The following CCDC171 variants were observed in gnomAD, a reference collection of about 807,000 sequenced individuals.
CCDC171 encodes coiled-coil domain containing 171, also known as coiled-coil domain-containing protein 171.
A neutral mutation model predicts 168.2 loss-of-function variants in CCDC171; 177 were observed. The ratio of observed to expected loss-of-function variants is 1.05; its 90% confidence interval spans 0.93 to 1.19. The LOEUF is 1.19. CCDC171 is among the 50% of genes most tolerant of loss of function. The probability of loss-of-function intolerance (pLI) is 0.00; values close to 1 mark genes in which losing one functional copy is unlikely to be tolerated. For missense variants in CCDC171, 1,991 were observed against 1,539.0 expected (o/e 1.29, Z -4.91); for synonymous variants, 687 against 540.8 (o/e 1.27, Z -3.75).
Position 15,727,860 on chromosome 9 carries a change from T to TTTTTTTTTTA in CCDC171, c.1693-8_1693-7insTTTTTTTTAT. 1 of 1,596,524 alleles carries TTTTTTTTTTA rather than the reference T, an allele frequency of 6.3e-7. No homozygotes were observed. The highest frequency in any genetic ancestry group is 1.8e-5 in the Admixed American group (1 of 56,218). The stretch of plus-strand genomic sequence containing the variant: ...ACAGCAATTAATTTTTCTTTTTTTT[T>TTTTTTTTTTA]TCCTGCAGGAGAAGCTAACCTTCCT... On this transcript the variant is annotated splice_polypyrimidine_tract_variant and intron_variant, in intron 14 of 25. Transcript: ENST00000380701.
At chr9:16,065,986 G>A (rs982088940), downstream of CCDC171, among the ~76,000 whole-genome samples, 2 of 152,156 alleles carry the variant, frequency 1.3e-5, no homozygotes, top group African/African-American at 4.8e-5. Flanking sequence ...CACAAGATGA[G>A]AAAGAGATAA....
At chr9:15,881,585 A>T (rs1034750895) in intron 24 of CCDC171, among the ~76,000 whole-genome samples, 1 of 152,124 alleles carries the variant, frequency 6.6e-6, no homozygotes, top group Non-Finnish European at 1.5e-5. Context: ...CTATCACACC[A>T]TATATTTGTA....
intron 2 of CCDC171, among the ~76,000 whole-genome samples, chr9:15,569,809 C>A (rs1268165706): frequency 8.1e-6 from 1 of 122,768 alleles, no homozygotes; most frequent in African/African-American, 3.0e-5. Flanking sequence ...AGCGAGACTC[C>A]GTCTCAAAAA....
intron 21 of CCDC171, among the ~76,000 whole-genome samples, chr9:15,834,750 C>G (rs2060369253): frequency 6.6e-6 from 1 of 152,076 alleles, no homozygotes; most frequent in African/African-American, 2.4e-5. Flanking sequence ...AAAAGCCTGG[C>G]CAATTGCCAA....
intron 21 of CCDC171, among the ~76,000 whole-genome samples, chr9:15,826,326 C>T (rs372731726): frequency 6.6e-6 from 1 of 150,486 alleles, no homozygotes; most frequent in Non-Finnish European, 1.5e-5. Flanking sequence ...TTTGTTGATC[C>T]TTTTTTTTTA....
rs1408271329 is a variant in CCDC171 at position 15,578,888 on chromosome 9, G to A, written c.217G>A (p.Glu73Lys). Residue 73 changes from glutamate to lysine, a missense_variant, in exon 4 of 26, where the codon GAG (glutamate) becomes AAG (lysine). Glu to Lys is a moderately conservative substitution (Grantham distance 56). Coordinates refer to ENST00000380701, the MANE Select transcript of CCDC171 (RefSeq NM_173550.4). Reference sequence around the variant, plus strand: ...GAGCCAGATTGCCAAGCTACGGTCCGAGGTTGAAAAGGGAGAAGCATTGCG... The same window carrying A: ...GAGCCAGATTGCCAAGCTACGGTCCAAGGTTGAAAAGGGAGAAGCATTGCG... ...YESQIAKLRS[E>K]VEKGEALRQS... The A allele has an allele frequency of 6.2e-7, 1 of 1,613,880 alleles. No individual in the cohort carries two copies. The highest frequency in any genetic ancestry group is 1.1e-5 in the South Asian group (1 of 91,044).
At chr9:15,790,876 T>G (rs549331456) in intron 21 of CCDC171, among the ~76,000 whole-genome samples, 29 of 152,340 alleles carry the variant, frequency 1.9e-4, no homozygotes, top group African/African-American at 5.8e-4. Flanking sequence ...TTTCTTGTTT[T>G]TGTCAGGTTT....
chr9:15,558,122 C>A (rs1056214296), intron 1 of CCDC171, among the ~76,000 whole-genome samples: 2 of 152,116 alleles, frequency 1.3e-5, no homozygotes, highest in African/African-American at 4.8e-5. Flanking sequence ...TTTTGATGTG[C>A]TGCTGGATTT....
At chr9:15,788,725 A>AT (rs1248899493) in intron 21 of CCDC171, among the ~76,000 whole-genome samples, 2 of 151,910 alleles carry the variant, frequency 1.3e-5, no homozygotes, top group African/African-American at 2.4e-5. Context: ...AATTAAAAAA[A>AT]TTTTTTTGTA....
At chr9:15,662,093 G>A (rs1564161392) in intron 8 of CCDC171, among the ~76,000 whole-genome samples, 1 of 151,984 alleles carries the variant, frequency 6.6e-6, no homozygotes, top group South Asian at 2.1e-4. Flanking sequence ...TCTGGCCAAC[G>A]TGGCGAAACC....
intron 25 of CCDC171, among the ~76,000 whole-genome samples, chr9:15,968,180 T>G (rs1200356402): frequency 6.6e-6 from 1 of 152,214 alleles, no homozygotes; most frequent in Non-Finnish European, 1.5e-5. Flanking sequence ...AGTGCTTCCA[T>G]AAAGATTCAC....
At chr9:15,627,380 T>G (rs2132179540) in intron 7 of CCDC171, among the ~76,000 whole-genome samples, 1 of 152,314 alleles carries the variant, frequency 6.6e-6, no homozygotes, top group South Asian at 2.1e-4. Context: ...TGTTTGCTCT[T>G]GCTTCTGTAG....
At chr9:15,975,822 A>T (rs1477290481), downstream of CCDC171, among the ~76,000 whole-genome samples, 2 of 152,144 alleles carry the variant, frequency 1.3e-5, no homozygotes, top group Non-Finnish European at 2.9e-5. Flanking sequence ...AATCACTGAA[A>T]CCTGTGAATG....
chr9:15,863,785 C>T (rs766835743), intron 23 of CCDC171, among the ~76,000 whole-genome samples: 14 of 151,850 alleles, frequency 9.2e-5, no homozygotes, highest in African/African-American at 2.7e-4. Context: ...TTTCTTTTTT[C>T]GTGGCATACA....
At chr9:15,956,169 A>G (rs988335670) in intron 25 of CCDC171, among the ~76,000 whole-genome samples, 8 of 152,146 alleles carry the variant, frequency 5.3e-5, no homozygotes, top group African/African-American at 1.7e-4. Context: ...ATGTCACGAA[A>G]GCACTGCTAC....
intron 11 of CCDC171, among the ~76,000 whole-genome samples, chr9:15,708,081 C>T (rs558159414): frequency 2.0e-5 from 3 of 152,318 alleles, no homozygotes; most frequent in East Asian, 3.9e-4. Context: ...CTCCTGACTT[C>T]AGGTGATCTG....
intron 13 of CCDC171, 146 bp from the exon 14 acceptor site, chr9:15,724,630 A>G (rs968199413): frequency 5.2e-6 from 3 of 577,980 alleles, no homozygotes; most frequent in Admixed American, 2.8e-5. Context: ...TCAGTAAAAT[A>G]TTTTAATGTA....
chr9:15,847,833 T>A (rs1003059767), intron 22 of CCDC171, among the ~76,000 whole-genome samples: 10 of 152,188 alleles, frequency 6.6e-5, no homozygotes, highest in South Asian at 4.1e-4. Flanking sequence ...GTGACATTGC[T>A]CAAACATAAT....
At chr9:15,809,393 G>C (rs2059228046) in intron 21 of CCDC171, among the ~76,000 whole-genome samples, 3 of 152,200 alleles carry the variant, frequency 2.0e-5, no homozygotes, top group Admixed American at 2.0e-4. Flanking sequence ...GTCTGAAATT[G>C]GTGGGTTCCT....
Sources: allele counts gnomAD v4.1 joint callset (sites outside exome capture counted in the v4.1 genomes callset), GRCh38; gene constraint gnomAD v4.1.1; transcripts MANE v1.5; gene names NCBI Gene and HGNC (gene_info 2026-07-23, HGNC 2026-07-21).